CUX2: variants seen among roughly 807,000 people sequenced by gnomAD.
CUX2 encodes homeobox protein cut-like 2.
In CUX2, 40 loss-of-function variants were observed where a neutral mutation model predicts 144.8. The ratio of observed to expected loss-of-function variants is 0.28; its 90% CI spans 0.21 to 0.36. The LOEUF (loss-of-function observed/expected upper bound fraction) is 0.36, where lower values mean the gene tolerates loss of function less well. Among genes scored for constraint, CUX2 ranks in the 10% least tolerant of loss-of-function variants. The pLI is 1.00. For synonymous variants in CUX2, 827 were observed against 875.6 expected (o/e 0.94, Z 0.98); for missense variants, 1,615 against 1,994.0 (o/e 0.81, Z 3.62).
intron 2 of CUX2, among the ~76,000 whole-genome samples, chr12:111,217,086 T>TA (rs1425156427): frequency 6.6e-6 from 1 of 152,130 alleles, no homozygotes; most frequent in Non-Finnish European, 1.5e-5. Context: ...GTTTCCCTCT[T>TA]ACGTGCCGGG....
rs762282774 is a variant in CUX2, at chr12:111,290,237, C to T, written c.302-1181C>T. Reference sequence around the variant, plus strand: ...AAAATTAGCTGGGCATGGTGGTGCACACCCTTGATCCCAGCTACTCGGGAG... The same window carrying T: ...AAAATTAGCTGGGCATGGTGGTGCATACCCTTGATCCCAGCTACTCGGGAG... On this transcript the variant is annotated intron_variant, in intron 4 of 21. Coordinates refer to ENST00000261726, the MANE Select transcript of CUX2 (RefSeq NM_015267.4). 5.3e-4 allele frequency among the ~76,000 whole-genome samples: 80 copies of T among 152,224 alleles called. 1 individual carries two copies. The highest frequency in any genetic ancestry group is 2.9e-3 in the Admixed American group (44 of 15,278).
chr12:111,274,113 G>T (rs1410233349), intron 4 of CUX2, among the ~76,000 whole-genome samples: 1 of 152,086 alleles, frequency 6.6e-6, no homozygotes, highest in Non-Finnish European at 1.5e-5. Context: ...TATATTTTTA[G>T]TAGAGACGGG....
rs918999506 is a variant in CUX2 at position 111,039,848 on chromosome 12, A to G, written c.63+5608A>G. Among the ~76,000 whole-genome samples the G allele has an allele frequency of 8.5e-5, 13 of 152,104 alleles. No individual in the cohort carries two copies. The highest frequency in any genetic ancestry group is 2.9e-4 in the African/African-American group (12 of 41,404). On this transcript the variant is annotated intron_variant, in intron 1 of 21. Transcript: ENST00000261726. The surrounding 1 kb of genome is among the most constrained non-coding windows in gnomAD (Gnocchi z 4.2). ...GGGCCCCTCCCCTTCTTTCTCCATC[A>G]TGGTCGTGGTGGTGGGGCTATTGAC...
intron 1 of CUX2, among the ~76,000 whole-genome samples, chr12:111,056,222 A>G (rs1322935119): frequency 3.9e-5 from 6 of 152,206 alleles, no homozygotes; most frequent in African/African-American, 1.4e-4. Context: ...GTGTGACTGC[A>G]TGTGTCTCTG....
At chr12:111,339,206 T>G (rs1177598224) in intron 20 of CUX2, among the ~76,000 whole-genome samples, 2 of 151,746 alleles carry the variant, frequency 1.3e-5, no homozygotes, top group East Asian at 3.9e-4. Flanking sequence ...CACTCCACCC[T>G]GGGCGACAGA....
chr12:111,345,692 C>T (rs1263121846), intron 21 of CUX2, among the ~76,000 whole-genome samples: 10 of 147,286 alleles, frequency 6.8e-5, no homozygotes, highest in Admixed American at 4.1e-4. Context: ...GCCAAGATCG[C>T]GCCACTGCAC....
Position 111,214,354 on chromosome 12 carries a change from A to G in CUX2, c.174+44A>G, listed in dbSNP as rs546612331. 1.1e-5 allele frequency: 13 copies of G among 1,149,914 alleles called. No individual in the cohort carries two copies. In the African/African-American group the frequency reaches 1.7e-4, roughly 15 times the overall value. The allele number at this position is 1,149,914 out of a possible 1,614,324, so 71.2% of individuals were successfully genotyped here. On this transcript the variant is annotated intron_variant, in intron 2 of 21. Transcript: ENST00000261726. ...TATAGAATTAACTCAGTAGGAATGC[A>G]GATTTCTCTCCATTCAAACTATATT...
At chr12:111,199,567 T>A (rs989482284) in intron 1 of CUX2, among the ~76,000 whole-genome samples, 1 of 151,990 alleles carries the variant, frequency 6.6e-6, no homozygotes, top group African/African-American at 2.4e-5. Context: ...ACAAAGGGAA[T>A]GAGATGGGTG....
intron 3 of CUX2, among the ~76,000 whole-genome samples, chr12:111,227,529 TTC>T (rs1882216070): frequency 6.6e-6 from 1 of 152,154 alleles, no homozygotes; most frequent in African/African-American, 2.4e-5. Flanking sequence ...ACTCTCTCTG[TTC>T]TCTCCAAAAC....
chr12:111,215,023 G>C (rs1881454733), intron 2 of CUX2, among the ~76,000 whole-genome samples: 1 of 128,690 alleles, frequency 7.8e-6, no homozygotes, highest in Non-Finnish European at 1.5e-5. Flanking sequence ...AGAAAATAAA[G>C]CCCTCTGACT....
chr12:111,214,913 T>C (rs934377726), intron 2 of CUX2, among the ~76,000 whole-genome samples: 4 of 152,174 alleles, frequency 2.6e-5, no homozygotes, highest in African/African-American at 4.8e-5. Context: ...AAGTTTCTGT[T>C]ATTTACCGGC....
intron 4 of CUX2, among the ~76,000 whole-genome samples, chr12:111,282,370 T>C (rs1202130847): frequency 6.7e-6 from 1 of 150,196 alleles, no homozygotes; most frequent in Non-Finnish European, 1.5e-5. Flanking sequence ...CTCACGCCTG[T>C]AATCCCAGCA....
intron 3 of CUX2, among the ~76,000 whole-genome samples, chr12:111,218,386 C>T (rs899252323): frequency 5.9e-5 from 9 of 152,014 alleles, no homozygotes; most frequent in South Asian, 4.2e-4. Flanking sequence ...CATGGTGGCA[C>T]GTGCCTGTGG....
rs1886489169 is a variant in CUX2 at position 111,304,734 on chromosome 12, T to A, written c.858+420T>A. On this transcript the variant is annotated intron_variant, in intron 10 of 21. Transcript: ENST00000261726. The surrounding 1 kb of genome is among the most constrained non-coding windows in gnomAD (Gnocchi z 4.7). ...TACAGCAGCATGCAGTTTTGGTGGC[T>A]GCCACCAGGTGTCGCTGTTGAACAC... Among the ~76,000 whole-genome samples, 2 of 152,178 alleles carry A rather than the reference T, an allele frequency of 1.3e-5. No individual in the cohort carries two copies. Among genetic ancestry groups the A allele is most frequent in the Non-Finnish European group, 2.9e-5 (2 of 68,022 alleles).
chr12:111,162,836 A>G (rs1011109424), intron 1 of CUX2, among the ~76,000 whole-genome samples: 2 of 152,148 alleles, frequency 1.3e-5, no homozygotes, highest in Non-Finnish European at 2.9e-5. Flanking sequence ...ACCTGAGGTC[A>G]GGAGTTCGAT....
intron 1 of CUX2, among the ~76,000 whole-genome samples, chr12:111,192,942 G>A (rs2136196759): frequency 6.6e-6 from 1 of 152,282 alleles, no homozygotes; most frequent in South Asian, 2.1e-4. Context: ...TGAATATGAT[G>A]ACTATTGATT....
chr12:111,165,883 C>T (rs535234647), intron 1 of CUX2, among the ~76,000 whole-genome samples: 87 of 152,282 alleles, frequency 5.7e-4, no homozygotes, highest in South Asian at 8.3e-4. Flanking sequence ...AATGCCAAGA[C>T]GTATTTAAAT....
intron 3 of CUX2, among the ~76,000 whole-genome samples, chr12:111,262,379 C>T (rs186104124): frequency 7.2e-6 from 1 of 139,562 alleles, no homozygotes; most frequent in African/African-American, 2.7e-5. Context: ...TGTAATGGAT[C>T]TTTTTTTTTT....
At chr12:111,318,357 T>G (rs1887308595) in intron 16 of CUX2, among the ~76,000 whole-genome samples, 1 of 149,418 alleles carries the variant, frequency 6.7e-6, no homozygotes. Flanking sequence ...CCCAAAGTGC[T>G]GGGATTATAA....
Sources: gnomAD v4.1 joint callset for allele counts (sites outside exome capture counted in the v4.1 genomes callset) on GRCh38, gnomAD v4.1.1 for gene constraint, Gnocchi (gnomAD v3.1) non-coding constraint, MANE v1.5 for transcripts, NCBI Gene and HGNC (gene_info 2026-07-23, HGNC 2026-07-21) for gene names.